ZDHHC14: variants seen among roughly 807,000 people sequenced by gnomAD.
ZDHHC14 encodes the protein palmitoyltransferase ZDHHC14.
ZDHHC14 carries 16 observed loss-of-function variants against 47.7 expected under a neutral mutation model. That is an observed-to-expected ratio of 0.34 (90% CI 0.23 to 0.51). The LOEUF (loss-of-function observed/expected upper bound fraction) is 0.51. ZDHHC14 is among the 20% of genes least tolerant of loss of function. The pLI is 0.97. For missense variants in ZDHHC14, 515 were observed against 662.5 expected, an observed-to-expected ratio of 0.78 and a Z score of 2.44; for synonymous variants, 293 against 278.9, an observed-to-expected ratio of 1.05 and a Z score of -0.50.
intron 5 of ZDHHC14, among the ~76,000 whole-genome samples, chr6:157,642,498 C>T (rs535263107): frequency 4.7e-4 from 72 of 152,258 alleles, no homozygotes; most frequent in Non-Finnish European, 8.2e-4. Flanking sequence ...TAGTGAGTAC[C>T]GCAGTGTGCA....
At chr6:157,547,957 ATGGTTTCATTGATT>A (rs1428184382) in intron 2 of ZDHHC14, among the ~76,000 whole-genome samples, 1 of 150,976 alleles carries the variant, frequency 6.6e-6, no homozygotes, top group Non-Finnish European at 1.5e-5. Flanking sequence ...TTAAAATTTG[ATGGTTTCATTGATT>A]TGGTTTCATT....
chr6:157,506,265 G>T (rs536394725), intron 1 of ZDHHC14, among the ~76,000 whole-genome samples: 1 of 152,122 alleles, frequency 6.6e-6, no homozygotes, highest in South Asian at 2.1e-4. Context: ...TCCAGCCAGC[G>T]GTTACTACAT....
chr6:157,634,624 A>G (rs1181369225), intron 5 of ZDHHC14, among the ~76,000 whole-genome samples: 1 of 152,248 alleles, frequency 6.6e-6, no homozygotes, highest in African/African-American at 2.4e-5. Context: ...AGTTTTAAAA[A>G]TGTGCCTCAG....
At chr6:157,453,232 T>C (rs938042860) in intron 1 of ZDHHC14, among the ~76,000 whole-genome samples, 7 of 152,232 alleles carry the variant, frequency 4.6e-5, no homozygotes, top group African/African-American at 1.4e-4. Flanking sequence ...TTCTCATCTA[T>C]GTTCTTTAGA....
At chr6:157,399,950 C>T (rs534093175) in intron 1 of ZDHHC14, among the ~76,000 whole-genome samples, 1 of 152,324 alleles carries the variant, frequency 6.6e-6, no homozygotes, top group East Asian at 1.9e-4. Context: ...ACCATCAGGG[C>T]TGGATTAAAA....
chr6:157,565,031 G>C (rs530468747), intron 2 of ZDHHC14, among the ~76,000 whole-genome samples: 2 of 152,274 alleles, frequency 1.3e-5, no homozygotes, highest in African/African-American at 4.8e-5. Flanking sequence ...GATCACTTGA[G>C]CTCAGGAGTT....
chr6:157,670,858 G>A (rs1348098236), intron 8 of ZDHHC14, among the ~76,000 whole-genome samples: 3 of 152,200 alleles, frequency 2.0e-5, no homozygotes, highest in Non-Finnish European at 4.4e-5. Flanking sequence ...GAAGACTGCA[G>A]CCCCTCAACC....
chr6:157,608,836 G>C (rs913563255), intron 3 of ZDHHC14, among the ~76,000 whole-genome samples: 5 of 152,030 alleles, frequency 3.3e-5, no homozygotes, highest in Admixed American at 6.5e-5. Context: ...GAGACGAGAG[G>C]GGGGGCTGTC....
At chr6:157,559,474 C>G (rs1486617882) in intron 2 of ZDHHC14, among the ~76,000 whole-genome samples, 2 of 152,236 alleles carry the variant, frequency 1.3e-5, no homozygotes, top group African/African-American at 4.8e-5. Flanking sequence ...GCTGAGTTGG[C>G]CACCACCCTG....
At position 157,381,429 on chromosome 6, in the gene ZDHHC14, C is replaced by T; in HGVS notation, c.-593C>T. On this transcript the variant is annotated 5_prime_UTR_variant, in exon 1 of 9. In the 5' UTR this introduces an upstream ATG that the reference lacks. Transcript: ENST00000359775. ...CGCCGAGAGGCTCCTGACAGAAAAACGTGCGTGGTTGTCCCCACCCCTGGG... is the reference window on the plus strand; with the variant it reads ...CGCCGAGAGGCTCCTGACAGAAAAATGTGCGTGGTTGTCCCCACCCCTGGG... 7.8e-6 allele frequency: 2 copies of T among 257,606 alleles called. No individual in the cohort carries two copies. The highest frequency in any genetic ancestry group is 3.0e-5 in the South Asian group (1 of 33,790). 16.0% of individuals were successfully genotyped at this position (257,606 alleles called of 1,614,324 possible).
At chr6:157,542,127 G>A (rs1021472071) in intron 1 of ZDHHC14, among the ~76,000 whole-genome samples, 2 of 152,156 alleles carry the variant, frequency 1.3e-5, no homozygotes, top group African/African-American at 4.8e-5. Flanking sequence ...GAAAGTTCCC[G>A]AGTCATTTGA....
intron 8 of ZDHHC14, among the ~76,000 whole-genome samples, chr6:157,661,300 G>A (rs776740156): frequency 1.3e-5 from 2 of 152,168 alleles, no homozygotes; most frequent in Non-Finnish European, 1.5e-5. Context: ...CAGTGGAGAC[G>A]TGAATCTGTT....
chr6:157,390,409 G>A (rs149619521), intron 1 of ZDHHC14, among the ~76,000 whole-genome samples: 1,815 of 152,186 alleles, frequency 0.012, 15 homozygotes, highest in Non-Finnish European at 0.017. Flanking sequence ...GGGGTTTGCC[G>A]AGCTTCTTGG....
intron 1 of ZDHHC14, among the ~76,000 whole-genome samples, chr6:157,418,840 C>T (rs541347515): frequency 5.9e-5 from 9 of 152,264 alleles, no homozygotes; most frequent in African/African-American, 2.2e-4. Flanking sequence ...TTAGTCAGAG[C>T]CCCACACATA....
At chr6:157,419,922 C>T (rs1778062261) in intron 1 of ZDHHC14, among the ~76,000 whole-genome samples, 2 of 152,222 alleles carry the variant, frequency 1.3e-5, no homozygotes. Context: ...ATGAGAGTTC[C>T]TGCTGCTCCA....
intron 1 of ZDHHC14, among the ~76,000 whole-genome samples, chr6:157,484,860 T>G (rs1316741898): frequency 6.6e-6 from 1 of 152,026 alleles, no homozygotes; most frequent in Non-Finnish European, 1.5e-5. Flanking sequence ...GTGAAGCTGA[T>G]AGAAGTGAGA....
chr6:157,649,667 A>G (rs1777728150), intron 7 of ZDHHC14, among the ~76,000 whole-genome samples: 1 of 152,204 alleles, frequency 6.6e-6, no homozygotes, highest in Non-Finnish European at 1.5e-5. Flanking sequence ...TAAGGCAGAG[A>G]GAGTTCTTGT....
intron 7 of ZDHHC14, among the ~76,000 whole-genome samples, chr6:157,650,439 G>A (rs1777776522): frequency 6.6e-6 from 1 of 152,044 alleles, no homozygotes; most frequent in Admixed American, 6.5e-5. Context: ...GAGAAGGACG[G>A]GCAGAGCCTC....
intron 1 of ZDHHC14, among the ~76,000 whole-genome samples, chr6:157,465,086 G>A (rs371734369): frequency 2.5e-4 from 35 of 138,418 alleles, no homozygotes; most frequent in African/African-American, 8.5e-4. Context: ...AAAAAGCAGC[G>A]TGTTTTTTTC....
Sources: gnomAD v4.1 joint callset for allele counts (sites outside exome capture counted in the v4.1 genomes callset) on GRCh38, gnomAD v4.1.1 for gene constraint, MANE v1.5 for transcripts, NCBI Gene and HGNC (gene_info 2026-07-23, HGNC 2026-07-21) for gene names.